The following HEMK2 variants were observed in gnomAD, a reference collection of about 807,000 sequenced individuals.
HEMK2 encodes methyltransferase HEMK2.
the HEMK2 span, among the ~76,000 whole-genome samples, chr21:28,808,624 C>A: frequency 6.6e-6 from 1 of 151,916 alleles, no homozygotes; most frequent in Non-Finnish European, 1.5e-5. Flanking sequence ...TACATTATAT[C>A]TTTATGTTAT....
chr21:28,776,898 G>C, the HEMK2 span, among the ~76,000 whole-genome samples: 1 of 152,158 alleles, frequency 6.6e-6, no homozygotes, highest in Non-Finnish European at 1.5e-5. Flanking sequence ...TACCCTCCCA[G>C]ATTGAGGGTG....
At chr21:28,705,780 CGCCTTTTCCA>C in the HEMK2 span, among the ~76,000 whole-genome samples, 1 of 152,126 alleles carries the variant, frequency 6.6e-6, no homozygotes, top group South Asian at 2.1e-4. Flanking sequence ...TCAACGTTCT[CGCCTTTTCCA>C]GCTTCCAGAG....
At chr21:28,834,379 A>AGTTT in the HEMK2 span, among the ~76,000 whole-genome samples, 1 of 152,196 alleles carries the variant, frequency 6.6e-6, no homozygotes, top group Non-Finnish European at 1.5e-5. Context: ...TCCTGAACTC[A>AGTTT]CACTCCCACT....
chr21:28,882,384 A>C, the HEMK2 span: 1 of 576,426 alleles, frequency 1.7e-6, no homozygotes, highest in Non-Finnish European at 3.0e-6. Context: ...GTATTCAATA[A>C]TGGCAAAGAA....
the HEMK2 span, among the ~76,000 whole-genome samples, chr21:28,796,831 A>T: frequency 6.6e-6 from 1 of 152,140 alleles, no homozygotes; most frequent in Non-Finnish European, 1.5e-5. Context: ...TAGCCTCCCA[A>T]AGTGCTGGGA....
chr21:28,697,616 T>A, the HEMK2 span, among the ~76,000 whole-genome samples: 1 of 151,950 alleles, frequency 6.6e-6, no homozygotes, highest in Non-Finnish European at 1.5e-5. Context: ...CCACAAGAGC[T>A]AGTTGTTGAA....
At chr21:28,790,649 T>C in the HEMK2 span, among the ~76,000 whole-genome samples, 5 of 152,208 alleles carry the variant, frequency 3.3e-5, no homozygotes, top group African/African-American at 1.2e-4. Context: ...TAAATACTTC[T>C]GTAGCTTCCC....
the HEMK2 span, among the ~76,000 whole-genome samples, chr21:28,682,717 C>T: frequency 6.6e-6 from 1 of 152,094 alleles, no homozygotes; most frequent in African/African-American, 2.4e-5. Context: ...GAATACTATG[C>T]AGCCATAAAA....
At chr21:28,836,745 C>T in the HEMK2 span, among the ~76,000 whole-genome samples, 5 of 151,998 alleles carry the variant, frequency 3.3e-5, no homozygotes, top group South Asian at 1.0e-3. Context: ...ACCAACCAAC[C>T]ATCTGCTGCC....
At chr21:28,618,502 T>C in the HEMK2 span, among the ~76,000 whole-genome samples, 3 of 152,330 alleles carry the variant, frequency 2.0e-5, no homozygotes, top group South Asian at 4.2e-4. Context: ...CACTTGGAAA[T>C]TTTATTTTGA....
the HEMK2 span, among the ~76,000 whole-genome samples, chr21:28,778,817 A>G: frequency 0.089 from 13,601 of 152,156 alleles, 888 homozygotes; most frequent in East Asian, 0.3. Context: ...GATTTTTTAT[A>G]TATACTAGAA....
At chr21:28,674,858 A>G in the HEMK2 span, 1 of 152,346 alleles carries the variant, frequency 6.6e-6, no homozygotes, top group Non-Finnish European at 1.5e-5. Flanking sequence ...CAAAAAGGCA[A>G]GGCAGCTCGC....
chr21:28,623,882 T>C, the HEMK2 span, among the ~76,000 whole-genome samples: 1 of 152,052 alleles, frequency 6.6e-6, no homozygotes, highest in African/African-American at 2.4e-5. Flanking sequence ...ATACCTAATG[T>C]ATATGACGGG....
chr21:28,824,215 C>T, the HEMK2 span, among the ~76,000 whole-genome samples: 2 of 152,162 alleles, frequency 1.3e-5, no homozygotes, highest in African/African-American at 4.8e-5. Flanking sequence ...GTTGTTGCTG[C>T]TGTTGTTGTT....
chr21:28,778,921 A>C, the HEMK2 span, among the ~76,000 whole-genome samples: 8 of 152,188 alleles, frequency 5.3e-5, no homozygotes, highest in Non-Finnish European at 1.2e-4. Context: ...ACAGAGCTAG[A>C]GTTTTTAATT....
At chr21:28,767,758 G>T in the HEMK2 span, among the ~76,000 whole-genome samples, 1 of 151,960 alleles carries the variant, frequency 6.6e-6, no homozygotes, top group African/African-American at 2.4e-5. Context: ...GGCGGTAGTT[G>T]GTGTCTCAGG....
At chr21:28,747,231 G>A in the HEMK2 span, among the ~76,000 whole-genome samples, 8 of 152,174 alleles carry the variant, frequency 5.3e-5, no homozygotes, top group Non-Finnish European at 2.9e-5. Flanking sequence ...TCTGGGTGGC[G>A]AGAAGCAAAT....
chr21:28,600,947 C>T, the HEMK2 span, among the ~76,000 whole-genome samples: 129,583 of 152,222 alleles, frequency 0.85, 55,599 homozygotes, highest in African/African-American at 0.94. Context: ...TCCATAATAA[C>T]AAATCTCAGT....
the HEMK2 span, among the ~76,000 whole-genome samples, chr21:28,594,482 A>G: frequency 6.6e-6 from 1 of 152,328 alleles, no homozygotes. Flanking sequence ...CTGTACACTT[A>G]AACTATTTAA....
Sources: gnomAD v4.1 joint callset for allele counts (sites outside exome capture counted in the v4.1 genomes callset) on GRCh38, gnomAD v4.1.1 for gene constraint, MANE v1.5 for transcripts, NCBI Gene and HGNC (gene_info 2026-07-23, HGNC 2026-07-21) for gene names.